The following MGST3 variants were observed in gnomAD, a reference collection of about 807,000 sequenced individuals.
MGST3 encodes the protein glutathione S-transferase 3, mitochondrial.
In MGST3, 13 loss-of-function variants were observed where a neutral mutation model predicts 15.8. That is an observed-to-expected ratio of 0.82 (90% CI 0.54 to 1.31). The LOEUF is 1.31. Among genes scored for constraint, MGST3 ranks in the 50% most tolerant of loss-of-function variants. The pLI is 0.00. For synonymous variants in MGST3, 49 were observed against 68.1 expected (o/e 0.72, Z 1.38); for missense variants, 155 against 192.4 (o/e 0.81, Z 1.15).
chr1:165,641,966 C>A (rs998550520), intron 1 of MGST3, among the ~76,000 whole-genome samples: 3 of 152,164 alleles, frequency 2.0e-5, no homozygotes, highest in Admixed American at 1.3e-4. Flanking sequence ...CTTAAGACTG[C>A]CAACAAACAG....
At chr1:165,638,309 T>C (rs1384144306) in intron 1 of MGST3, among the ~76,000 whole-genome samples, 1 of 151,854 alleles carries the variant, frequency 6.6e-6, no homozygotes, top group Admixed American at 6.6e-5. Flanking sequence ...CGAAACCCCG[T>C]CTGTACTAAA....
chr1:165,631,497 G>A (rs909098102), intron 1 of MGST3, among the ~76,000 whole-genome samples: 1 of 152,172 alleles, frequency 6.6e-6, no homozygotes, highest in African/African-American at 2.4e-5. Context: ...TTTCCCTGGT[G>A]GAGTGGGTTG....
At chr1:165,652,060 C>T in intron 4 of MGST3, 25 bp downstream of exon 4, 1 of 1,550,762 alleles carries the variant, frequency 6.4e-7, no homozygotes, top group Non-Finnish European at 8.9e-7. Context: ...AGGTGTTCAT[C>T]TATTTGGATA....
At chr1:165,652,153 T>A in intron 4 of MGST3, 118 bp downstream of exon 4, 2 of 786,850 alleles carry the variant, frequency 2.5e-6, no homozygotes, top group Non-Finnish European at 4.5e-6. Context: ...ACTGCATATT[T>A]AAAAGGATTT....
At chr1:165,651,783 TA>T in intron 3 of MGST3, 194 bp from the exon 4 acceptor site, 1 of 517,214 alleles carries the variant, frequency 1.9e-6, no homozygotes, top group Non-Finnish European at 3.4e-6. Context: ...TAATCCCAGC[TA>T]CTCAGGAAGC....
chr1:165,652,152 T>A, intron 4 of MGST3, 117 bp downstream of exon 4: 1 of 784,458 alleles, frequency 1.3e-6, no homozygotes, highest in Non-Finnish European at 2.3e-6. Flanking sequence ...CACTGCATAT[T>A]TAAAAGGATT....
Position 165,650,907 on chromosome 1 carries a change from G to A in MGST3, c.118-107G>A, listed in dbSNP as rs996962088. 43 of 921,496 alleles carry A rather than the reference G, an allele frequency of 4.7e-5. No homozygotes were observed. The Admixed American group carries it at 5.5e-4, about 12-fold the overall frequency. 57.1% of individuals were successfully genotyped at this position (921,496 alleles called of 1,614,324 possible). On this transcript the variant is annotated intron_variant, in intron 2 of 5. Coordinates refer to ENST00000367889, the MANE Select transcript of MGST3 (RefSeq NM_004528.4). ...GAAATTGAATGGTCATCTATCAAGG[G>A]TGTGAAAGAAGATACTTTGGAATAT...
rs1240429252 is a variant in MGST3 at position 165,638,776 on chromosome 1, CAGAG to C, written c.-8+7489_-8+7492del. Among the ~76,000 whole-genome samples, 8 of 137,558 alleles carry C rather than the reference CAGAG, an allele frequency of 5.8e-5. No individual in the cohort carries two copies. The East Asian group carries it at 1.7e-3, about 30-fold the overall frequency. 90.2% of individuals were successfully genotyped at this position (137,558 alleles called of 152,430 possible). ...CTGCCACTCACTCTAGCCTGTGGGA[CAGAG>C]AGAGACTCCGTCTTAAAAAAAAAAA... is the stretch of plus-strand genomic sequence containing the variant. On this transcript the variant is annotated intron_variant, in intron 1 of 5. Transcript: ENST00000367889.
At chr1:165,651,152 C>T (rs1470919300) in intron 3 of MGST3, 65 bp downstream of exon 3, 1 of 1,356,580 alleles carries the variant, frequency 7.4e-7, no homozygotes, top group African/African-American at 1.4e-5. Context: ...TCTAACACCT[C>T]AGCCCTTAGT....
In MGST3 at chr1:165,655,243, T is replaced by G; in HGVS notation, c.323-125T>G. ...AACAGCTTCAGGCTAAAGAGTTAGT[T>G]AACCTCCTAAGGCCAGTTTGTCTAA... On this transcript the variant is annotated intron_variant, in intron 5 of 5. Transcript: ENST00000367889. The G allele has an allele frequency of 3.3e-6, 4 of 1,222,004 alleles. No homozygotes were observed. In the South Asian group the frequency reaches 5.2e-5, roughly 16 times the overall value. 75.7% of individuals were successfully genotyped at this position (1,222,004 alleles called of 1,614,324 possible). A position where few individuals can be genotyped will look rare whatever the true frequency, so the allele number is the denominator to read the frequency against.
chr1:165,653,058 T>G (rs900616591), intron 4 of MGST3, among the ~76,000 whole-genome samples: 2 of 152,222 alleles, frequency 1.3e-5, no homozygotes, highest in African/African-American at 4.8e-5. Context: ...GTACTTTTGT[T>G]AAAAAGCTGC....
chr1:165,648,948 T>C (rs1043807797), intron 1 of MGST3: 1 of 152,230 alleles, frequency 6.6e-6, no homozygotes, highest in African/African-American at 2.4e-5. Context: ...GATGATTAGA[T>C]ACATTCCAGA....
At chr1:165,649,794 A>G in intron 1 of MGST3, 47 bp from the exon 2 acceptor site, 1 of 1,612,986 alleles carries the variant, frequency 6.2e-7, no homozygotes, top group Non-Finnish European at 8.5e-7. Flanking sequence ...ACACCATGAA[A>G]TAGCCACAGT....
At chr1:165,645,826 A>T (rs971564096) in intron 1 of MGST3, 1 of 152,212 alleles carries the variant, frequency 6.6e-6, no homozygotes, top group Admixed American at 6.5e-5. Flanking sequence ...TCAATTCATA[A>T]ATATTAATTT....
intron 1 of MGST3, among the ~76,000 whole-genome samples, chr1:165,638,957 G>A (rs1377414111): frequency 2.6e-5 from 4 of 151,844 alleles, no homozygotes; most frequent in African/African-American, 9.7e-5. Flanking sequence ...ACTTGCCACT[G>A]GTATTCAACA....
intron 4 of MGST3, among the ~76,000 whole-genome samples, chr1:165,652,772 G>A (rs559613346): frequency 6.6e-6 from 1 of 152,336 alleles, no homozygotes; most frequent in South Asian, 2.1e-4. Context: ...GGCAGCAACA[G>A]AGGGCAGAGG....
In MGST3 at chr1:165,655,807, T is replaced by A. The variant is rs1648693637; in HGVS notation, c.*303T>A. The A allele has an allele frequency of 5.4e-6, 2 of 367,432 alleles. No homozygotes were observed. The highest frequency in any genetic ancestry group is 4.2e-5 in the African/African-American group (2 of 47,964). The allele number at this position is 367,432 out of a possible 1,614,324, so 22.8% of individuals were successfully genotyped here. A position where few individuals can be genotyped will look rare whatever the true frequency, so the allele number is the denominator to read the frequency against. ...TGTAGGTATAGTCATGCCACAGTGA[T>A]GAAAAATTAAAGAAAAATCTTCTAG... is the stretch of plus-strand genomic sequence containing the variant. On this transcript the variant is annotated 3_prime_UTR_variant, in exon 6 of 6. Coordinates refer to ENST00000367889, the MANE Select transcript of MGST3 (RefSeq NM_004528.4).
chr1:165,639,113 C>T (rs146426019), intron 1 of MGST3, among the ~76,000 whole-genome samples: 104 of 152,322 alleles, frequency 6.8e-4, no homozygotes, highest in Middle Eastern at 3.4e-3. Context: ...GGATCTGTCT[C>T]TCCCTCCCCT....
At chr1:165,649,519 GC>G (rs972509730) in intron 1 of MGST3, 1 of 271,032 alleles carries the variant, frequency 3.7e-6, no homozygotes, top group African/African-American at 2.2e-5. Flanking sequence ...ATTTTTGTTG[GC>G]TATATTATTC....
Sources: gnomAD v4.1 joint callset for allele counts (sites outside exome capture counted in the v4.1 genomes callset) on GRCh38, gnomAD v4.1.1 for gene constraint, MANE v1.5 for transcripts, NCBI Gene and HGNC (gene_info 2026-07-23, HGNC 2026-07-21) for gene names.